The following FBXL13 variants were observed in gnomAD, a reference collection of about 807,000 sequenced individuals.
FBXL13 encodes the protein F-box and leucine-rich repeat protein 13.
A neutral mutation model predicts 83.6 loss-of-function variants in FBXL13; 67 were observed. That is an observed-to-expected ratio of 0.80 (90% confidence interval 0.66 to 0.98). The LOEUF is 0.98. FBXL13 is among the 50% of genes least tolerant of loss of function. FBXL13 has a pLI of 0.00. For missense variants in FBXL13, 822 were observed against 866.5 expected (o/e 0.95, Z 0.64); for synonymous variants, 272 against 299.5 (o/e 0.91, Z 0.95).
chr7:102,900,053 A>G (rs1479568536), intron 11 of FBXL13, among the ~76,000 whole-genome samples: 9 of 152,226 alleles, frequency 5.9e-5, no homozygotes, highest in Non-Finnish European at 1.3e-4. Context: ...TCTCAAAAAA[A>G]TAAAATAAAA....
At chr7:102,828,546 G>A (rs1800121805) in intron 18 of FBXL13, among the ~76,000 whole-genome samples, 1 of 152,174 alleles carries the variant, frequency 6.6e-6, no homozygotes, top group Admixed American at 6.5e-5. Context: ...TACATTATAA[G>A]TCTGTAGAAT....
chr7:103,007,969 A>C (rs1791163177), intron 6 of FBXL13, among the ~76,000 whole-genome samples: 1 of 152,174 alleles, frequency 6.6e-6, no homozygotes, highest in Non-Finnish European at 1.5e-5. Context: ...TCAGAGCCCA[A>C]GTGGGAAAAG....
Position 102,980,505 on chromosome 7 carries a change from C to T in FBXL13, c.496-12388G>A, listed in dbSNP as rs181997057. On this transcript the variant is annotated intron_variant, in intron 6 of 19. Transcript: ENST00000313221. ...TATAAGAGCTAAAACCAGCCGGGTG[C>T]GGTGGCTTACGCCTGTAATCCCAGC... 4.6e-3 allele frequency among the ~76,000 whole-genome samples: 695 copies of T among 152,306 alleles called. 3 individuals carry two copies. The highest frequency in any genetic ancestry group is 6.5e-3 in the Non-Finnish European group (444 of 68,020).
intron 16 of FBXL13, chr7:102,874,411 GAA>G (rs1237935812): frequency 2.5e-5 from 24 of 973,166 alleles, no homozygotes; most frequent in Non-Finnish European, 2.9e-5. Flanking sequence ...GAAAACAACA[GAA>G]GACTTATTTT....
chr7:102,955,903 C>A (rs1237735619), intron 8 of FBXL13, among the ~76,000 whole-genome samples: 2 of 151,998 alleles, frequency 1.3e-5, no homozygotes, highest in Admixed American at 6.6e-5. Flanking sequence ...AGTCTAACAA[C>A]CAAAAAAAGA....
intron 8 of FBXL13, among the ~76,000 whole-genome samples, chr7:102,958,036 G>C (rs944428211): frequency 5.9e-5 from 9 of 152,102 alleles, no homozygotes; most frequent in Non-Finnish European, 1.0e-4. Context: ...CCATTACTGG[G>C]TATATACCCA....
chr7:103,012,318 T>C (rs890042947), intron 6 of FBXL13, among the ~76,000 whole-genome samples: 2 of 146,590 alleles, frequency 1.4e-5, no homozygotes, highest in South Asian at 4.2e-4. Flanking sequence ...GAGATTGCAG[T>C]GAGCCGAGAT....
chr7:102,934,505 CA>C (rs759296012), intron 8 of FBXL13: 8 of 1,612,268 alleles, frequency 5.0e-6, no homozygotes, highest in Non-Finnish European at 5.9e-6. Flanking sequence ...TCCACAAGAA[CA>C]AAAAAATAAA....
At chr7:102,882,918 C>G (rs1316874735) in intron 14 of FBXL13, among the ~76,000 whole-genome samples, 1 of 152,134 alleles carries the variant, frequency 6.6e-6, no homozygotes, top group Non-Finnish European at 1.5e-5. Context: ...GAGGAAAAAT[C>G]TATCCAGTAC....
chr7:102,891,285 T>C (rs758670977), intron 11 of FBXL13, among the ~76,000 whole-genome samples: 3 of 152,226 alleles, frequency 2.0e-5, no homozygotes, highest in Admixed American at 6.5e-5. Context: ...TCTGAAATCC[T>C]ATCCATTCAC....
chr7:102,907,726 G>A (rs549232466), intron 11 of FBXL13, among the ~76,000 whole-genome samples: 1 of 152,250 alleles, frequency 6.6e-6, no homozygotes, highest in African/African-American at 2.4e-5. Context: ...ATCATTGATG[G>A]ACATTTGGGT....
At chr7:103,028,780 T>C (rs79826633) in intron 3 of FBXL13, 32 bp from the exon 5 acceptor site, 96,174 of 1,503,880 alleles carry the variant, frequency 0.064, 3,457 homozygotes, top group Admixed American at 0.13. Flanking sequence ...TAAAAAATAA[T>C]ATTTTGATAT....
At chr7:103,074,723 C>T (rs373871703), upstream of FBXL13, 8 of 1,289,734 alleles carry the variant, frequency 6.2e-6, no homozygotes, top group Middle Eastern at 2.1e-4. Flanking sequence ...TGTAGTTCTC[C>T]TTGAAGTAGT....
Position 102,879,558 on chromosome 7 carries a change from T to G in FBXL13, c.1389-1108A>C, listed in dbSNP as rs138932930. Among the ~76,000 whole-genome samples the G allele has an allele frequency of 3.8e-3, 580 of 152,256 alleles. 5 individuals carry two copies. The highest frequency in any genetic ancestry group is 0.014 in the African/African-American group (573 of 41,542). ...TGATCCAAATTAATTGGTTAATACA[T>G]TTAGGGCCAAACCTGGATATCAAAA... On this transcript the variant is annotated intron_variant, in intron 14 of 19. Transcript: ENST00000313221.
intron 16 of FBXL13, among the ~76,000 whole-genome samples, chr7:102,873,931 C>T (rs1380306953): frequency 6.6e-6 from 1 of 152,172 alleles, no homozygotes; most frequent in Non-Finnish European, 1.5e-5. Context: ...TACTTTGTAA[C>T]CACTTGCCCT....
chr7:102,973,429 C>T, intron 6 of FBXL13: 1 of 711,244 alleles, frequency 1.4e-6, no homozygotes, highest in South Asian at 1.5e-5. Flanking sequence ...GCAGTTACAT[C>T]AGACTGGGAC....
chr7:102,849,363 C>T (rs565933014), intron 17 of FBXL13, among the ~76,000 whole-genome samples: 1 of 152,350 alleles, frequency 6.6e-6, no homozygotes, highest in South Asian at 2.1e-4. Flanking sequence ...GACACTGACT[C>T]TGCGTGTGCT....
At chr7:103,061,215 A>C (rs1361839893) in intron 1 of FBXL13, among the ~76,000 whole-genome samples, 1 of 149,442 alleles carries the variant, frequency 6.7e-6, no homozygotes, top group Admixed American at 6.7e-5. Flanking sequence ...TTTTTGTTAG[A>C]CTTGAAGGTT....
chr7:103,043,881 T>C (rs1267672962), intron 2 of FBXL13, among the ~76,000 whole-genome samples: 3 of 152,206 alleles, frequency 2.0e-5, no homozygotes, highest in Non-Finnish European at 2.9e-5. Flanking sequence ...GTAGTCTTTT[T>C]GTTAGTGGTT....
Sources: gnomAD v4.1 joint callset for allele counts (sites outside exome capture counted in the v4.1 genomes callset) on GRCh38, gnomAD v4.1.1 for gene constraint, MANE v1.5 for transcripts, NCBI Gene and HGNC (gene_info 2026-07-23, HGNC 2026-07-21) for gene names.